The following ERC2 variants were observed in gnomAD, a reference collection of about 807,000 sequenced individuals.
ERC2 encodes ELKS/RAB6-interacting/CAST family member 2.
Under a neutral mutation model 114.8 loss-of-function variants are expected in ERC2, and 42 were observed. That is an observed-to-expected ratio of 0.37 (90% CI 0.29 to 0.47). ERC2 has a LOEUF of 0.47. Among genes scored for constraint, ERC2 ranks in the 20% least tolerant of loss-of-function variants. The pLI, the probability that ERC2 is intolerant of heterozygous loss-of-function variation, is 0.99. For synonymous variants in ERC2, 454 were observed against 425.5 expected, an observed-to-expected ratio of 1.07 and a Z score of -0.82; for missense variants, 939 against 1,150.7, an observed-to-expected ratio of 0.82 and a Z score of 2.66.
At chr3:55,906,281 A>G (rs1201497313) in intron 13 of ERC2, among the ~76,000 whole-genome samples, 1 of 151,722 alleles carries the variant, frequency 6.6e-6, no homozygotes, top group African/African-American at 2.4e-5. Flanking sequence ...AAATACAAAA[A>G]ATTAGCCGGG....
chr3:55,679,897 C>A (rs9846723), intron 17 of ERC2, among the ~76,000 whole-genome samples: 8,996 of 152,208 alleles, frequency 0.059, 897 homozygotes, highest in African/African-American at 0.2. Context: ...TGTCCAGACC[C>A]TGTCCGCTAA....
intron 2 of ERC2, among the ~76,000 whole-genome samples, chr3:56,377,279 G>C (rs1327615126): frequency 6.6e-6 from 1 of 152,168 alleles, no homozygotes; most frequent in Non-Finnish European, 1.5e-5. Context: ...CTAGATGGAA[G>C]AGTATGATCC....
chr3:55,613,324 C>A (rs2058983964), intron 17 of ERC2, among the ~76,000 whole-genome samples: 1 of 152,190 alleles, frequency 6.6e-6, no homozygotes, highest in Non-Finnish European at 1.5e-5. Flanking sequence ...AATTGTTAAC[C>A]TTGCAGCTCA....
At chr3:56,127,173 C>T (rs946947556) in intron 6 of ERC2, among the ~76,000 whole-genome samples, 6 of 152,000 alleles carry the variant, frequency 3.9e-5, no homozygotes, top group African/African-American at 9.7e-5. Context: ...AAACTGAAGA[C>T]GACACAAATA....
chr3:55,717,977 T>C (rs1003565025), intron 15 of ERC2, among the ~76,000 whole-genome samples: 1 of 152,176 alleles, frequency 6.6e-6, no homozygotes, highest in African/African-American at 2.4e-5. Flanking sequence ...CTAATGTTTT[T>C]CAACAAAATT....
At chr3:55,655,455 G>T (rs1259366685) in intron 17 of ERC2, among the ~76,000 whole-genome samples, 1 of 152,198 alleles carries the variant, frequency 6.6e-6, no homozygotes, top group Non-Finnish European at 1.5e-5. Context: ...GTGTTTAAAA[G>T]AATTGAAATA....
intron 14 of ERC2, among the ~76,000 whole-genome samples, chr3:55,806,739 T>G (rs77843842): frequency 0.059 from 8,909 of 150,572 alleles, 385 homozygotes; most frequent in African/African-American, 0.12. Context: ...CTGAGAAAGC[T>G]TGACTCGAAA....
chr3:55,638,842 C>A (rs994615905), intron 17 of ERC2, among the ~76,000 whole-genome samples: 1 of 152,192 alleles, frequency 6.6e-6, no homozygotes, highest in Non-Finnish European at 1.5e-5. Flanking sequence ...TTTCTACTCA[C>A]CAAACTACAT....
At position 55,698,816 on chromosome 3, in the gene ERC2, C is replaced by T. The variant is rs557781244; in HGVS notation, c.2847+562G>A. On this transcript the variant is annotated intron_variant, in intron 16 of 17. Coordinates refer to ENST00000288221, the MANE Select transcript of ERC2 (RefSeq NM_015576.3). ...GTAAATATTGCTGTAAAACCACAGGCGGTTTTTGTTTTTGTCAATCCATCT... is the reference window on the plus strand; with the variant it reads ...GTAAATATTGCTGTAAAACCACAGGTGGTTTTTGTTTTTGTCAATCCATCT... Among the ~76,000 whole-genome samples the T allele has an allele frequency of 8.5e-5, 13 of 152,218 alleles. No homozygotes were observed. The East Asian group carries it at 9.7e-4, about 11-fold the overall frequency.
chr3:56,392,238 T>A (rs2060154468), intron 2 of ERC2, among the ~76,000 whole-genome samples: 1 of 152,232 alleles, frequency 6.6e-6, no homozygotes, highest in Non-Finnish European at 1.5e-5. Context: ...TAACATTTAA[T>A]GCCACCACAA....
chr3:55,890,334 AC>A (rs2063543690), intron 13 of ERC2, among the ~76,000 whole-genome samples: 1 of 152,078 alleles, frequency 6.6e-6, no homozygotes, highest in Non-Finnish European at 1.5e-5. Context: ...AGTCTGCCTG[AC>A]CCTCCATATG....
chr3:55,823,107 T>C (rs1461171915), intron 14 of ERC2, among the ~76,000 whole-genome samples: 1 of 152,200 alleles, frequency 6.6e-6, no homozygotes, highest in Non-Finnish European at 1.5e-5. Flanking sequence ...TGTGCTGAGT[T>C]AGTAGAGCAA....
chr3:55,579,430 A>G (rs979169549), intron 17 of ERC2, among the ~76,000 whole-genome samples: 2 of 152,184 alleles, frequency 1.3e-5, no homozygotes, highest in African/African-American at 4.8e-5. Context: ...GAGTTGTTCT[A>G]TGCTGGGAGA....
chr3:56,423,676 C>T (rs190878723), intron 2 of ERC2, among the ~76,000 whole-genome samples: 112 of 152,312 alleles, frequency 7.4e-4, no homozygotes, highest in Middle Eastern at 6.8e-3. Flanking sequence ...CACAATCAAG[C>T]ACTGGCTTCA....
chr3:56,044,323 G>C (rs1303772399), intron 7 of ERC2, among the ~76,000 whole-genome samples: 4 of 151,830 alleles, frequency 2.6e-5, no homozygotes, highest in African/African-American at 9.7e-5. Flanking sequence ...AATTTTGACT[G>C]TGTTCTTGGG....
intron 6 of ERC2, among the ~76,000 whole-genome samples, chr3:56,097,175 C>G (rs979120966): frequency 3.3e-5 from 5 of 152,196 alleles, no homozygotes; most frequent in Non-Finnish European, 5.9e-5. Flanking sequence ...TCTGTTGGGA[C>G]TTGTTACAGC....
chr3:55,849,502 C>G (rs1417571567), intron 14 of ERC2, among the ~76,000 whole-genome samples: 1 of 152,038 alleles, frequency 6.6e-6, no homozygotes, highest in East Asian at 1.9e-4. Context: ...AGATTTTTTC[C>G]CAGAGCTCAC....
At chr3:56,215,588 A>T (rs1259834901) in intron 3 of ERC2, among the ~76,000 whole-genome samples, 1 of 152,206 alleles carries the variant, frequency 6.6e-6, no homozygotes, top group African/African-American at 2.4e-5. Flanking sequence ...GATCAATGGG[A>T]CAGAAAGTTA....
At chr3:56,282,564 G>A (rs912546873) in intron 3 of ERC2, among the ~76,000 whole-genome samples, 5 of 151,756 alleles carry the variant, frequency 3.3e-5, no homozygotes, top group Non-Finnish European at 7.4e-5. Flanking sequence ...TAACTGCCCT[G>A]ATTAGGTAAT....
Sources: allele counts gnomAD v4.1 joint callset (sites outside exome capture counted in the v4.1 genomes callset), GRCh38; gene constraint gnomAD v4.1.1; transcripts MANE v1.5; gene names NCBI Gene and HGNC (gene_info 2026-07-23, HGNC 2026-07-21).